COL28A1: variants seen among roughly 807,000 people sequenced by gnomAD.
COL28A1 encodes collagen type XXVIII alpha 1 chain, also known as collagen alpha-1(XXVIII) chain.
A neutral mutation model predicts 150.2 loss-of-function variants in COL28A1; 161 were observed. The ratio of observed to expected loss-of-function variants is 1.07; its 90% CI spans 0.94 to 1.22. The LOEUF is 1.22. Ranked by LOEUF, COL28A1 falls within the 50% of genes most tolerant of loss-of-function variation. COL28A1 has a pLI of 0.00. For synonymous variants in COL28A1, 552 were observed against 469.7 expected (o/e 1.18, Z -2.26); for missense variants, 1,617 against 1,388.3 (o/e 1.16, Z -2.62).
rs147221955 is a variant in COL28A1, at chr7:7,534,717, C to T, written c.-38+1033G>A. Among the ~76,000 whole-genome samples the T allele has an allele frequency of 1.3e-3, 191 of 152,270 alleles. 1 individual carries two copies. Among genetic ancestry groups the T allele is most frequent in the African/African-American group, 4.4e-3 (181 of 41,558 alleles). Reference sequence around the variant, plus strand: ...TCCCAAAACTAAGCACCTGCTCTTACTGTTTTCTTGGCATATAATCATGAA... The same window carrying T: ...TCCCAAAACTAAGCACCTGCTCTTATTGTTTTCTTGGCATATAATCATGAA... On this transcript the variant is annotated intron_variant, in intron 1 of 34. Transcript: ENST00000399429.
chr7:7,511,077 A>C lies in COL28A1; in HGVS notation c.927+14T>G. 6.2e-7 allele frequency: 1 copy of C among 1,611,540 alleles called. No homozygotes were observed. Among genetic ancestry groups the C allele is most frequent in the Non-Finnish European group, 8.5e-7 (1 of 1,177,812 alleles). On this transcript the variant is annotated intron_variant, in intron 9 of 34. Transcript: ENST00000399429. ...GGATCACAGCTGTAAGCAGTTTAAA[A>C]ACATGTTCCTTACCTTGTCACCTTT...
intron 3 of COL28A1, among the ~76,000 whole-genome samples, chr7:7,529,490 A>G (rs1249610841): frequency 1.3e-5 from 2 of 152,172 alleles, no homozygotes; most frequent in South Asian, 2.1e-4. Context: ...CAGATGCTAA[A>G]CAAACAAGCT....
intron 15 of COL28A1, among the ~76,000 whole-genome samples, chr7:7,459,803 T>A (rs1490971253): frequency 6.6e-6 from 1 of 152,180 alleles, no homozygotes; most frequent in African/African-American, 2.4e-5. Flanking sequence ...CATGAACAAT[T>A]TGACAAATCA....
At chr7:7,442,281 A>G (rs1785858625) in intron 20 of COL28A1, among the ~76,000 whole-genome samples, 1 of 152,178 alleles carries the variant, frequency 6.6e-6, no homozygotes. Flanking sequence ...CATTCTGCCT[A>G]TTCTGTAGAG....
chr7:7,451,927 C>T (rs576185853), intron 18 of COL28A1, among the ~76,000 whole-genome samples: 134 of 152,228 alleles, frequency 8.8e-4, no homozygotes, highest in Non-Finnish European at 1.4e-3. Context: ...TGAAGTTGAG[C>T]GCTCAACTGG....
downstream of COL28A1, among the ~76,000 whole-genome samples, chr7:7,354,899 T>C (rs539714848): frequency 6.6e-6 from 1 of 152,166 alleles, no homozygotes. Context: ...GCTAATAGGC[T>C]CCTAAGAAGT....
chr7:7,497,066 G>A (rs1189752195), intron 11 of COL28A1, among the ~76,000 whole-genome samples: 1 of 145,588 alleles, frequency 6.9e-6, no homozygotes, highest in East Asian at 2.0e-4. Flanking sequence ...AGGGAAGAAG[G>A]AAGAAAGGAA....
intron 10 of COL28A1, 127 bp downstream of exon 10, chr7:7,506,990 T>G (rs1285181382): frequency 1.6e-6 from 1 of 622,878 alleles, no homozygotes; most frequent in Non-Finnish European, 2.9e-6. Context: ...TAAACAATAT[T>G]AATGCCTGGC....
At chr7:7,385,452 G>A (rs1025769615) in intron 27 of COL28A1, among the ~76,000 whole-genome samples, 1 of 152,174 alleles carries the variant, frequency 6.6e-6, no homozygotes, top group African/African-American at 2.4e-5. Context: ...GTGTGATGGT[G>A]AATTATCGCT....
intron 32 of COL28A1, 88 bp downstream of exon 32, chr7:7,372,910 T>G: frequency 4.5e-6 from 5 of 1,105,926 alleles, no homozygotes; most frequent in East Asian, 2.4e-5. Flanking sequence ...GCCTCCAGAT[T>G]TTTCTATTTG....
At chr7:7,512,399 AT>A (rs1344867719) in intron 8 of COL28A1, among the ~76,000 whole-genome samples, 3 of 152,314 alleles carry the variant, frequency 2.0e-5, no homozygotes, top group African/African-American at 7.2e-5. Flanking sequence ...AGTGATATAT[AT>A]GTTAATTAGC....
At chr7:7,372,584 T>C (rs1296491715) in intron 32 of COL28A1, among the ~76,000 whole-genome samples, 1 of 152,186 alleles carries the variant, frequency 6.6e-6, no homozygotes, top group Non-Finnish European at 1.5e-5. Context: ...CATAACTTTT[T>C]TTTCATTCAG....
At chr7:7,463,557 T>C (rs1787812679) in intron 15 of COL28A1, among the ~76,000 whole-genome samples, 1 of 152,164 alleles carries the variant, frequency 6.6e-6, no homozygotes, top group Non-Finnish European at 1.5e-5. Context: ...AAGAAGTTTG[T>C]TTCCACTGAA....
At chr7:7,401,089 C>T (rs1212737347) in intron 27 of COL28A1, among the ~76,000 whole-genome samples, 1 of 149,902 alleles carries the variant, frequency 6.7e-6, no homozygotes, top group African/African-American at 2.5e-5. Context: ...TGTTTCAGTT[C>T]TCATCTAATC....
At chr7:7,415,767 C>T (rs1449163135) in intron 27 of COL28A1, among the ~76,000 whole-genome samples, 5 of 152,100 alleles carry the variant, frequency 3.3e-5, no homozygotes, top group Admixed American at 2.6e-4. Context: ...CTCCTGACCT[C>T]ATGATCCACC....
At chr7:7,347,137 A>C in the COL28A1 span, among the ~76,000 whole-genome samples, 396 of 152,190 alleles carry the variant, frequency 2.6e-3, 3 homozygotes, top group African/African-American at 9.2e-3. Flanking sequence ...CTAGCAAAAA[A>C]AACAATGTAT....
chr7:7,401,019 T>TACA (rs1212156520), intron 27 of COL28A1, among the ~76,000 whole-genome samples: 153 of 150,128 alleles, frequency 1.0e-3, no homozygotes, highest in Non-Finnish European at 1.6e-3. Context: ...TGTGTGTGTG[T>TACA]GTGTGTACAG....
upstream of COL28A1, among the ~76,000 whole-genome samples, chr7:7,537,813 T>C (rs1782701940): frequency 6.6e-6 from 1 of 152,068 alleles, no homozygotes; most frequent in Admixed American, 6.5e-5. Context: ...AGCCTATGGG[T>C]GTTAGTCACA....
chr7:7,380,514 C>A, intron 30 of COL28A1, 146 bp downstream of exon 30: 1 of 681,390 alleles, frequency 1.5e-6, no homozygotes, highest in Non-Finnish European at 2.5e-6. Flanking sequence ...TGCATCTAAG[C>A]CAACACTGGG....
Sources: gnomAD v4.1 joint callset for allele counts (sites outside exome capture counted in the v4.1 genomes callset) on GRCh38, gnomAD v4.1.1 for gene constraint, MANE v1.5 for transcripts, NCBI Gene and HGNC (gene_info 2026-07-23, HGNC 2026-07-21) for gene names.